SHC3: variants seen among roughly 807,000 people sequenced by gnomAD.
The protein encoded by SHC3 is SHC-transforming protein 3.
In SHC3, 15 loss-of-function variants were observed where a neutral mutation model predicts 60.4. The observed-to-expected ratio is 0.25, with a 90% CI of 0.17 to 0.38. The LOEUF (loss-of-function observed/expected upper bound fraction) is 0.38, where lower values mean the gene tolerates loss of function less well. Ranked by LOEUF, SHC3 falls within the 10% of genes least tolerant of loss-of-function variation. SHC3 has a pLI of 1.00. For synonymous variants in SHC3, 294 were observed against 325.9 expected (o/e 0.90, Z 1.05); for missense variants, 677 against 786.1 (o/e 0.86, Z 1.66).
intron 4 of SHC3, among the ~76,000 whole-genome samples, chr9:89,074,570 T>C (rs185835028): frequency 4.1e-4 from 63 of 152,210 alleles, no homozygotes; most frequent in Middle Eastern, 3.4e-3. Flanking sequence ...ACACTGTGGC[T>C]GTGGTGTCTC....
chr9:89,170,621 G>A (rs1190099678), intron 1 of SHC3, among the ~76,000 whole-genome samples: 1 of 152,148 alleles, frequency 6.6e-6, no homozygotes, highest in Non-Finnish European at 1.5e-5. Context: ...TTCCAGTCTG[G>A]GCGACAGAGC....
intron 6 of SHC3, among the ~76,000 whole-genome samples, chr9:89,064,207 T>C (rs542068835): frequency 3.9e-5 from 6 of 152,340 alleles, no homozygotes; most frequent in African/African-American, 1.4e-4. Flanking sequence ...ATTGGGGGTT[T>C]CTATTTTAAC....
intron 11 of SHC3, among the ~76,000 whole-genome samples, chr9:89,026,045 A>C (rs1826292294): frequency 6.6e-6 from 1 of 152,158 alleles, no homozygotes; most frequent in South Asian, 2.1e-4. Flanking sequence ...GGAGTTCGAG[A>C]CCAGCCTGGC....
At chr9:89,160,730 G>A (rs777680732) in intron 1 of SHC3, among the ~76,000 whole-genome samples, 12 of 152,036 alleles carry the variant, frequency 7.9e-5, no homozygotes, top group Non-Finnish European at 1.3e-4. Context: ...AGTCTCTTAC[G>A]GAAACCTTTC....
At chr9:89,127,040 A>G (rs909096226) in intron 1 of SHC3, among the ~76,000 whole-genome samples, 12 of 152,226 alleles carry the variant, frequency 7.9e-5, no homozygotes, top group African/African-American at 2.9e-4. Flanking sequence ...AAGCCTTTGC[A>G]AGCTCAAAAT....
At chr9:89,130,578 G>A (rs1368865581) in intron 1 of SHC3, among the ~76,000 whole-genome samples, 1 of 152,192 alleles carries the variant, frequency 6.6e-6, no homozygotes, top group African/African-American at 2.4e-5. Context: ...TCAGACCACA[G>A]TGCAATCAAA....
At chr9:89,064,910 G>T (rs1825153462) in intron 6 of SHC3, among the ~76,000 whole-genome samples, 1 of 152,148 alleles carries the variant, frequency 6.6e-6, no homozygotes, top group African/African-American at 2.4e-5. Context: ...AATTCCATTT[G>T]TTATTTCATC....
At chr9:89,085,399 C>T (rs764433531) in intron 2 of SHC3, among the ~76,000 whole-genome samples, 4 of 152,212 alleles carry the variant, frequency 2.6e-5, no homozygotes, top group Non-Finnish European at 5.9e-5. Flanking sequence ...GGCAGTCAGA[C>T]GGCTCTAAGA....
At chr9:89,020,095 C>T (rs770246222) in intron 11 of SHC3, among the ~76,000 whole-genome samples, 1 of 152,116 alleles carries the variant, frequency 6.6e-6, no homozygotes, top group Non-Finnish European at 1.5e-5. Flanking sequence ...AGGTAGAGAT[C>T]CCCAAGGTTT....
At chr9:89,077,937 T>C (rs1389952243) in intron 2 of SHC3, 34 bp from the exon 3 acceptor site, 2 of 1,613,112 alleles carry the variant, frequency 1.2e-6, no homozygotes, top group Non-Finnish European at 8.5e-7. Flanking sequence ...TTTTATTACG[T>C]GTCAGTCGGG....
intron 4 of SHC3, among the ~76,000 whole-genome samples, chr9:89,073,450 T>C (rs1356597967): frequency 6.6e-6 from 1 of 152,172 alleles, no homozygotes; most frequent in African/African-American, 2.4e-5. Context: ...GCTGTCTCAC[T>C]GGATGGAGAA....
intron 11 of SHC3, among the ~76,000 whole-genome samples, chr9:89,024,445 C>T (rs902058907): frequency 4.6e-5 from 7 of 152,056 alleles, no homozygotes; most frequent in African/African-American, 1.7e-4. Context: ...TCCCTGTGTG[C>T]GTTATTAAAT....
intron 2 of SHC3, among the ~76,000 whole-genome samples, chr9:89,104,360 A>G (rs1564146166): frequency 6.6e-6 from 1 of 152,206 alleles, no homozygotes; most frequent in East Asian, 1.9e-4. Context: ...TGACTTACTG[A>G]ATCACAAAAC....
chr9:89,014,555 A>C (rs1587673411), intron 11 of SHC3, among the ~76,000 whole-genome samples: 1 of 152,164 alleles, frequency 6.6e-6, no homozygotes, highest in Non-Finnish European at 1.5e-5. Flanking sequence ...CAGCCTTAGC[A>C]GTGGTCTCCT....
Position 89,071,472 on chromosome 9 carries a change from G to A in SHC3, c.730-220C>T, listed in dbSNP as rs78289355. On this transcript the variant is annotated intron_variant, in intron 4 of 11. Transcript: ENST00000375835. ...GCCAGAATAGTGTCCGTGAAGCCTCGCTGCAGCCTGTGATGTGGGAACTAT... is the reference window on the plus strand; with the variant it reads ...GCCAGAATAGTGTCCGTGAAGCCTCACTGCAGCCTGTGATGTGGGAACTAT... 1.2e-4 allele frequency among the ~76,000 whole-genome samples: 19 copies of A among 152,278 alleles called. No individual in the cohort carries two copies. In the East Asian group the frequency reaches 3.3e-3, roughly 26 times the overall value.
At chr9:89,054,988 C>T (rs1824925081) in intron 6 of SHC3, among the ~76,000 whole-genome samples, 1 of 152,248 alleles carries the variant, frequency 6.6e-6, no homozygotes, top group African/African-American at 2.4e-5. Flanking sequence ...AGCAAAGGGA[C>T]TTTCAAGAGC....
chr9:89,115,020 G>T (rs1826001503), intron 1 of SHC3, among the ~76,000 whole-genome samples: 1 of 152,068 alleles, frequency 6.6e-6, no homozygotes, highest in South Asian at 2.1e-4. Context: ...CTGTCACAGG[G>T]TTATGTGACT....
At chr9:89,106,014 G>C (rs1825853718) in intron 2 of SHC3, among the ~76,000 whole-genome samples, 2 of 152,182 alleles carry the variant, frequency 1.3e-5, no homozygotes, top group African/African-American at 4.8e-5. Flanking sequence ...CATCCACTAT[G>C]TGCCAGGTGC....
intron 9 of SHC3, among the ~76,000 whole-genome samples, chr9:89,045,367 A>G (rs1429716369): frequency 7.1e-6 from 1 of 139,996 alleles, no homozygotes; most frequent in Non-Finnish European, 1.5e-5. Flanking sequence ...TGCAACCTCC[A>G]CCTCCTGGGA....
Sources: gnomAD v4.1 joint callset for allele counts (sites outside exome capture counted in the v4.1 genomes callset) on GRCh38, gnomAD v4.1.1 for gene constraint, MANE v1.5 for transcripts, NCBI Gene and HGNC (gene_info 2026-07-23, HGNC 2026-07-21) for gene names.